The following DCLK1 variants were observed in gnomAD, a reference collection of about 807,000 sequenced individuals.
DCLK1 encodes the protein doublecortin like kinase 1, also known as serine/threonine-protein kinase DCLK1.
A neutral mutation model predicts 86.2 loss-of-function variants in DCLK1; 16 were observed. That is an observed-to-expected ratio of 0.19 (90% CI 0.13 to 0.28). DCLK1 has a LOEUF of 0.28. DCLK1 is among the 10% of genes least tolerant of loss of function. The probability of loss-of-function intolerance (pLI) is 1.00; values close to 1 mark genes in which losing one functional copy is unlikely to be tolerated. For missense variants in DCLK1, 590 were observed against 940.2 expected (o/e 0.63, Z 4.87); for synonymous variants, 369 against 370.5 (o/e 1.00, Z 0.05).
At chr13:35,850,388 C>T (rs577439493) in intron 6 of DCLK1, 1 of 1,021,498 alleles carries the variant, frequency 9.8e-7, no homozygotes, top group South Asian at 4.6e-5. Flanking sequence ...AATTCTGGCT[C>T]TATATTGCCA....
chr13:35,849,947 A>G (rs1870489407), intron 6 of DCLK1: 1 of 956,498 alleles, frequency 1.0e-6, no homozygotes, highest in African/African-American at 1.8e-5. Flanking sequence ...TATACAATCT[A>G]TAGCAATGCC....
Position 35,831,021 on chromosome 13 carries a change from G to T in DCLK1, c.1230-2714C>A, listed in dbSNP as rs561904749. ...AGCAGGATCCCCAGTGAGCCAGAGG[G>T]TGTGTTGGCTCCCAGCAGGCCAAGG... is the stretch of plus-strand genomic sequence containing the variant. On this transcript the variant is annotated intron_variant, in intron 8 of 16. Transcript: ENST00000360631. 5.3e-5 allele frequency among the ~76,000 whole-genome samples: 8 copies of T among 152,288 alleles called. No homozygotes were observed. The South Asian group carries it at 1.2e-3, about 24-fold the overall frequency.
intron 5 of DCLK1, among the ~76,000 whole-genome samples, chr13:35,867,965 G>GAAAGAGAT (rs1380990336): frequency 2.1e-5 from 3 of 142,814 alleles, no homozygotes; most frequent in Admixed American, 6.9e-5. Context: ...AAGAAAGAAA[G>GAAAGAGAT]AGAAAAAGAA....
At chr13:35,976,295 T>G (rs762131815) in intron 3 of DCLK1, among the ~76,000 whole-genome samples, 30 of 151,714 alleles carry the variant, frequency 2.0e-4, no homozygotes, top group Non-Finnish European at 2.9e-4. Context: ...GAGAGAGAGG[T>G]GACTTTGGAG....
intron 13 of DCLK1, 116 bp downstream of exon 13, chr13:35,808,902 T>G (rs752239977): frequency 1.4e-6 from 1 of 729,072 alleles, no homozygotes; most frequent in Non-Finnish European, 2.1e-6. Flanking sequence ...GGATTGCAAG[T>G]AAAGTTCTTG....
chr13:35,957,870 C>T (rs1379804318), intron 3 of DCLK1, among the ~76,000 whole-genome samples: 3 of 72,388 alleles, frequency 4.1e-5, no homozygotes, highest in Admixed American at 1.3e-4. Context: ...CAACAACAAT[C>T]CCACAAAGCT....
intron 8 of DCLK1, among the ~76,000 whole-genome samples, chr13:35,835,248 C>T (rs1448506730): frequency 6.6e-6 from 1 of 152,106 alleles, no homozygotes; most frequent in Non-Finnish European, 1.5e-5. Flanking sequence ...CCCCCCAGTC[C>T]AGCCCCCAGA....
At chr13:36,107,845 T>C (rs2138180758) in intron 3 of DCLK1, among the ~76,000 whole-genome samples, 2 of 152,178 alleles carry the variant, frequency 1.3e-5, no homozygotes, top group Middle Eastern at 6.8e-3. Context: ...ACTTAAAAAA[T>C]AGTTATACTC....
At chr13:35,849,519 T>G (rs1870453949) in intron 6 of DCLK1, 1 of 980,936 alleles carries the variant, frequency 1.0e-6, no homozygotes, top group Non-Finnish European at 1.2e-6. Flanking sequence ...AGGATATGGC[T>G]TAAATACAAT....
chr13:35,917,714 T>C (rs1455280080), intron 4 of DCLK1, among the ~76,000 whole-genome samples: 1 of 152,040 alleles, frequency 6.6e-6, no homozygotes. Context: ...GCCCCCCACC[T>C]ACCATGCCTC....
At chr13:35,900,608 C>T (rs1874295467) in intron 4 of DCLK1, among the ~76,000 whole-genome samples, 1 of 152,310 alleles carries the variant, frequency 6.6e-6, no homozygotes. Flanking sequence ...CAAGCTTACA[C>T]TACTTTACAG....
At chr13:35,913,202 G>C (rs937454899) in intron 4 of DCLK1, among the ~76,000 whole-genome samples, 1 of 152,200 alleles carries the variant, frequency 6.6e-6, no homozygotes, top group African/African-American at 2.4e-5. Flanking sequence ...AAAGGGCCTT[G>C]TGTTAGTTCA....
chr13:35,925,343 A>C (rs73178252), intron 4 of DCLK1, among the ~76,000 whole-genome samples: 18,494 of 152,238 alleles, frequency 0.12, 1,418 homozygotes, highest in Middle Eastern at 0.19. Context: ...AATAATTCAG[A>C]GTTTTGATGC....
chr13:35,839,131 C>T lies in DCLK1; in HGVS notation c.1081G>A (p.Val361Ile). Residue 361 changes from valine (V) to isoleucine (I), a missense_variant, in exon 7 of 17, where the codon GTC becomes ATC. By Grantham distance (29) the Val-to-Ile change is conservative. Coordinates refer to ENST00000360631, the MANE Select transcript of DCLK1 (RefSeq NM_001330071.2). ...GSSTSLASTK[V>I]CSSMDENDGP... ...TCGTTCTCATCCATCGAGCTGCAGA[C>T]TTTGGTGGACGCAAGTGACGTAGAG... The T allele has an allele frequency of 2.5e-6, 4 of 1,598,274 alleles. No individual in the cohort carries two copies. The highest frequency in any genetic ancestry group is 3.4e-6 in the Non-Finnish European group (4 of 1,172,608).
chr13:35,936,057 A>C (rs982769208), intron 4 of DCLK1, among the ~76,000 whole-genome samples: 1 of 152,196 alleles, frequency 6.6e-6, no homozygotes, highest in African/African-American at 2.4e-5. Context: ...TATGACAGAA[A>C]AGCAAACCTG....
chr13:36,092,588 G>A (rs1362069442), intron 3 of DCLK1, among the ~76,000 whole-genome samples: 1 of 140,572 alleles, frequency 7.1e-6, no homozygotes, highest in Non-Finnish European at 1.5e-5. Context: ...CCGGGTTCAC[G>A]CCATTCTCCT....
chr13:35,794,809 T>C (rs1156257323), intron 15 of DCLK1, among the ~76,000 whole-genome samples: 1 of 152,248 alleles, frequency 6.6e-6, no homozygotes, highest in African/African-American at 2.4e-5. Flanking sequence ...CAATTTGCAC[T>C]ATTTCTATTT....
At chr13:35,866,488 A>T (rs112578236) in intron 5 of DCLK1, among the ~76,000 whole-genome samples, 27,412 of 148,426 alleles carry the variant, frequency 0.18, 3,007 homozygotes, top group African/African-American at 0.3. Flanking sequence ...GGTCTCACTC[A>T]GTCATCCAGG....
chr13:35,916,493 T>C lies in DCLK1; in HGVS notation c.823+30865A>G, dbSNP rs191046528. Among the ~76,000 whole-genome samples the C allele has an allele frequency of 1.7e-3, 252 of 152,286 alleles. 1 individual carries two copies. Among genetic ancestry groups the C allele is most frequent in the African/African-American group, 5.9e-3 (247 of 41,564 alleles). On this transcript the variant is annotated intron_variant, in intron 4 of 16. Coordinates refer to ENST00000360631, the MANE Select transcript of DCLK1 (RefSeq NM_001330071.2). ...CCCATGTAAGAAGCCCAGCCCTGCC[T>C]TCAACAGGAACATACAGCAGAGGCG...
Sources: allele counts gnomAD v4.1 joint callset (sites outside exome capture counted in the v4.1 genomes callset), GRCh38; gene constraint gnomAD v4.1.1; transcripts MANE v1.5; gene names NCBI Gene and HGNC (gene_info 2026-07-23, HGNC 2026-07-21).